MAP4K4: variants seen among roughly 807,000 people sequenced by gnomAD.
MAP4K4 encodes mitogen-activated protein kinase kinase kinase kinase 4, also known as HPK/GCK-like kinase HGK.
MAP4K4 carries 38 observed loss-of-function variants against 189.6 expected under a neutral mutation model. The ratio of observed to expected loss-of-function variants is 0.20; its 90% confidence interval spans 0.15 to 0.26. The LOEUF is 0.26. Ranked by LOEUF, MAP4K4 falls within the 10% of genes least tolerant of loss-of-function variation. The pLI is 1.00. For missense variants in MAP4K4, 1,054 were observed against 1,726.9 expected, an observed-to-expected ratio of 0.61 and a Z score of 6.91; for synonymous variants, 610 against 624.3, an observed-to-expected ratio of 0.98 and a Z score of 0.34.
At chr2:101,829,526 A>G (rs751406853) in exon 6 of MAP4K4, 3 of 1,610,540 alleles carry the variant, frequency 1.9e-6, no homozygotes, top group Admixed American at 1.7e-5. Flanking sequence ...CTTCACATTC[A>G]TCATGTGATT....
intron 2 of MAP4K4, among the ~76,000 whole-genome samples, chr2:101,707,574 G>A (rs1417651101): frequency 6.6e-6 from 1 of 151,928 alleles, no homozygotes; most frequent in South Asian, 2.1e-4. Flanking sequence ...GTACAGTGGT[G>A]TGATCACAGC....
intron 12 of MAP4K4, among the ~76,000 whole-genome samples, chr2:101,848,838 T>G (rs1001550237): frequency 2.0e-5 from 3 of 152,210 alleles, no homozygotes; most frequent in Non-Finnish European, 4.4e-5. Context: ...TGGAAGTCCT[T>G]GCAACTCTTT....
chr2:101,839,048 T>G (rs6761085), intron 9 of MAP4K4, among the ~76,000 whole-genome samples: 1 of 152,166 alleles, frequency 6.6e-6, no homozygotes, highest in Non-Finnish European at 1.5e-5. Context: ...GGCTCCTAAA[T>G]TGGGGACACA....
chr2:101,894,446 A>G (rs937455913), exon 33 of MAP4K4: 4 of 152,762 alleles, frequency 2.6e-5, no homozygotes, highest in Non-Finnish European at 5.9e-5. Flanking sequence ...GTGACTTTTT[A>G]TGGGTTATTT....
At chr2:101,885,653 G>T (rs116339342) in intron 29 of MAP4K4, among the ~76,000 whole-genome samples, 24 of 152,258 alleles carry the variant, frequency 1.6e-4, no homozygotes, top group African/African-American at 5.5e-4. Context: ...TGTCTATCGG[G>T]CAGTTTTAAG....
At chr2:101,818,761 ACT>A (rs1461227570) in intron 3 of MAP4K4, among the ~76,000 whole-genome samples, 1 of 151,876 alleles carries the variant, frequency 6.6e-6, no homozygotes, top group African/African-American at 2.4e-5. Context: ...GCAACTAAAA[ACT>A]CATCTCCTAG....
At chr2:101,830,764 C>G (rs1428436827) in intron 6 of MAP4K4, among the ~76,000 whole-genome samples, 1 of 152,166 alleles carries the variant, frequency 6.6e-6, no homozygotes, top group Non-Finnish European at 1.5e-5. Context: ...TGAGCGATCA[C>G]TTAGTGATTG....
chr2:101,719,370 G>C (rs1176791242), intron 2 of MAP4K4, among the ~76,000 whole-genome samples: 7 of 152,234 alleles, frequency 4.6e-5, no homozygotes, highest in African/African-American at 1.7e-4. Flanking sequence ...ATGAATAAAA[G>C]GGCTGGTTTC....
chr2:101,834,488 G>A, intron 8 of MAP4K4, 25 bp downstream of exon 8: 1 of 1,586,454 alleles, frequency 6.3e-7, no homozygotes, highest in African/African-American at 1.3e-5. Context: ...TTTCTTTTTA[G>A]CTCACTTGTT....
rs76936744 is a variant in MAP4K4, at chr2:101,722,280, G to A, written c.123+23742G>A. Among the ~76,000 whole-genome samples the A allele has an allele frequency of 6.4e-3, 974 of 152,254 alleles. 30 individuals carry two copies. In the East Asian group the frequency reaches 0.08, roughly 12 times the overall value. ...GTAACCTCATGGATTATTCTGATGT[G>A]CCTTTGAGCTTTTAAACCATTGAAT... On this transcript the variant is annotated intron_variant, in intron 2 of 32. Transcript: ENST00000324219.
At chr2:101,856,228 G>GTGT in intron 13 of MAP4K4, 90 bp downstream of exon 13, 1 of 1,261,614 alleles carries the variant, frequency 7.9e-7, no homozygotes, top group Non-Finnish European at 1.1e-6. Context: ...ACACACATGT[G>GTGT]ATGCATACAC....
At chr2:101,753,658 A>G (rs1444543213) in intron 2 of MAP4K4, among the ~76,000 whole-genome samples, 1 of 151,774 alleles carries the variant, frequency 6.6e-6, no homozygotes, top group African/African-American at 2.4e-5. Context: ...GTCCGCAAGT[A>G]TACAGTTTTT....
exon 33 of MAP4K4, chr2:101,893,385 T>C (rs1413564103): frequency 2.7e-6 from 1 of 368,132 alleles, no homozygotes; most frequent in Non-Finnish European, 5.4e-6. Flanking sequence ...CTAGAGAAGG[T>C]TGAAAAATTA....
intron 25 of MAP4K4, 107 bp downstream of exon 25, chr2:101,873,871 G>C: frequency 2.3e-6 from 2 of 861,076 alleles, no homozygotes; most frequent in Non-Finnish European, 1.8e-6. Context: ...ACAGACCTCG[G>C]GTACAGAAAC....
intron 2 of MAP4K4, among the ~76,000 whole-genome samples, chr2:101,763,376 C>T (rs1228137055): frequency 2.6e-5 from 4 of 152,212 alleles, no homozygotes; most frequent in Non-Finnish European, 5.9e-5. Context: ...TATATACCCA[C>T]TTTACAAGTC....
At chr2:101,797,172 A>T (rs1336038514) in intron 3 of MAP4K4, 1 of 1,221,892 alleles carries the variant, frequency 8.2e-7, no homozygotes, top group Non-Finnish European at 1.1e-6. Context: ...TCTTGTCTAG[A>T]CTGAAAATAA....
At chr2:101,777,454 C>A (rs537422416) in intron 2 of MAP4K4, among the ~76,000 whole-genome samples, 1 of 152,194 alleles carries the variant, frequency 6.6e-6, no homozygotes, top group South Asian at 2.1e-4. Flanking sequence ...TCGGTGCCGG[C>A]TCATGGTTTT....
rs547994534 is a variant in MAP4K4 at position 101,734,275 on chromosome 2, G to C, written c.123+35737G>C. Among the ~76,000 whole-genome samples, 6 of 152,264 alleles carry C rather than the reference G, an allele frequency of 3.9e-5. No homozygotes were observed. In the East Asian group the frequency reaches 9.7e-4, roughly 25 times the overall value. On this transcript the variant is annotated intron_variant, in intron 2 of 32. Coordinates refer to ENST00000324219, the Ensembl canonical transcript of MAP4K4. Reference sequence around the variant, plus strand: ...AAATAATATAATAACTTGATAAAATGTGCACCTCCCCTCATTTTGTCTTTT... The same window carrying C: ...AAATAATATAATAACTTGATAAAATCTGCACCTCCCCTCATTTTGTCTTTT...
At chr2:101,852,845 G>A (rs2097329909) in intron 12 of MAP4K4, among the ~76,000 whole-genome samples, 1 of 152,114 alleles carries the variant, frequency 6.6e-6, no homozygotes, top group South Asian at 2.1e-4. Context: ...AGAGACAGGG[G>A]AAAAAACTGA....
Sources: allele counts gnomAD v4.1 joint callset (sites outside exome capture counted in the v4.1 genomes callset), GRCh38; gene constraint gnomAD v4.1.1; transcripts MANE v1.5; gene names NCBI Gene and HGNC (gene_info 2026-07-23, HGNC 2026-07-21).